Variants in KLRG1 observed in about 807,000 individuals in gnomAD.
KLRG1 encodes the protein killer cell lectin like receptor G1.
KLRG1 carries 16 observed loss-of-function variants against 21.8 expected under a neutral mutation model. The ratio of observed to expected loss-of-function variants is 0.73; its 90% CI spans 0.50 to 1.11. KLRG1 has a LOEUF of 1.11. Among genes scored for constraint, KLRG1 ranks in the 50% most tolerant of loss-of-function variants. The pLI is 0.00. For synonymous variants in KLRG1, 69 were observed against 75.9 expected, an observed-to-expected ratio of 0.91 and a Z score of 0.47; for missense variants, 173 against 218.3, an observed-to-expected ratio of 0.79 and a Z score of 1.31.
the KLRG1 span, chr12:9,203,669 C>T: frequency 1.4e-6 from 2 of 1,404,872 alleles, no homozygotes; most frequent in Non-Finnish European, 2.0e-6. Context: ...TTCTTAAAGT[C>T]ATACCTTGGG....
At chr12:8,971,743 G>A (rs965291532) in intron 1 of KLRG1, among the ~76,000 whole-genome samples, 1 of 152,032 alleles carries the variant, frequency 6.6e-6, no homozygotes, top group Non-Finnish European at 1.5e-5. Flanking sequence ...CGCCTGCCTC[G>A]GCCTCCCAAA....
chr12:9,090,866 G>T, the KLRG1 span, among the ~76,000 whole-genome samples: 1 of 152,068 alleles, frequency 6.6e-6, no homozygotes, highest in Non-Finnish European at 1.5e-5. Context: ...TTTAAAATTA[G>T]GTTTAATATA....
chr12:9,002,400 G>T (rs1947331906), intron 3 of KLRG1, among the ~76,000 whole-genome samples: 1 of 152,120 alleles, frequency 6.6e-6, no homozygotes, highest in Admixed American at 6.6e-5. Context: ...AAGAAAAAGT[G>T]CCCTTGATTT....
intron 1 of KLRG1, among the ~76,000 whole-genome samples, chr12:8,964,922 A>G (rs1277787471): frequency 1.3e-5 from 2 of 151,772 alleles, no homozygotes; most frequent in African/African-American, 4.8e-5. Context: ...TTTTGAGCCT[A>G]TGTGTGTCTC....
At chr12:8,992,351 A>C in intron 2 of KLRG1, 41 bp downstream of exon 2, 1 of 1,392,476 alleles carries the variant, frequency 7.2e-7, no homozygotes, top group Non-Finnish European at 1.0e-6. Context: ...TTCATTTTAT[A>C]TTATAAAAGC....
chr12:9,210,501 C>T, the KLRG1 span, among the ~76,000 whole-genome samples: 3,275 of 152,202 alleles, frequency 0.022, 41 homozygotes, highest in African/African-American at 0.029. Context: ...CTGTTAAATA[C>T]CCTAAGGGGA....
intron 2 of KLRG1, among the ~76,000 whole-genome samples, chr12:8,994,358 G>A (rs1592267286): frequency 6.6e-6 from 1 of 152,182 alleles, no homozygotes; most frequent in African/African-American, 2.4e-5. Flanking sequence ...GAGCCACCAT[G>A]CCTGGTCAGT....
At chr12:9,148,356 C>T in the KLRG1 span, among the ~76,000 whole-genome samples, 2 of 152,090 alleles carry the variant, frequency 1.3e-5, no homozygotes, top group African/African-American at 4.8e-5. Flanking sequence ...AAGATTTTAA[C>T]CCTTGAGTCA....
At chr12:9,073,442 G>T in the KLRG1 span, among the ~76,000 whole-genome samples, 1 of 152,174 alleles carries the variant, frequency 6.6e-6, no homozygotes, top group East Asian at 1.9e-4. Context: ...ATGATTTCCT[G>T]TTCCCAGTGA....
the KLRG1 span, among the ~76,000 whole-genome samples, chr12:9,027,136 T>C: frequency 6.6e-6 from 1 of 152,184 alleles, no homozygotes; most frequent in East Asian, 1.9e-4. Context: ...TATGCATTAC[T>C]TCACATATTT....
At chr12:9,203,139 A>G in the KLRG1 span, among the ~76,000 whole-genome samples, 6 of 152,216 alleles carry the variant, frequency 3.9e-5, no homozygotes, top group Non-Finnish European at 7.3e-5. Context: ...GGAAATGTCC[A>G]GCCCGATCCT....
the KLRG1 span, chr12:9,090,141 A>C: frequency 3.4e-5 from 50 of 1,454,250 alleles, no homozygotes; most frequent in Non-Finnish European, 4.3e-5. Flanking sequence ...ACACAGAAGC[A>C]GGAACGGAAA....
chr12:9,196,805 C>A, the KLRG1 span: 10 of 855,420 alleles, frequency 1.2e-5, no homozygotes, highest in East Asian at 2.5e-5. Flanking sequence ...GTTAATTGAC[C>A]TTCGAGAACT....
chr12:8,976,166 T>C (rs1184126284), intron 1 of KLRG1, among the ~76,000 whole-genome samples: 2 of 152,202 alleles, frequency 1.3e-5, no homozygotes, highest in Non-Finnish European at 2.9e-5. Flanking sequence ...TTTTGTGTTA[T>C]CATTTTTGTT....
chr12:8,955,566 A>T (rs1024324326), intron 1 of KLRG1, among the ~76,000 whole-genome samples: 2 of 149,752 alleles, frequency 1.3e-5, no homozygotes, highest in African/African-American at 4.9e-5. Flanking sequence ...ATTTTTTTTT[A>T]TTTTTTGTAG....
intron 1 of KLRG1, among the ~76,000 whole-genome samples, chr12:8,978,656 CTTTCTTTCTTTCTTTCT>C (rs1946701171): frequency 2.0e-5 from 3 of 147,392 alleles, no homozygotes; most frequent in South Asian, 4.3e-4. Context: ...TTCTTTCTTT[CTTTCTTTCTTTCTTTCT>C]TTCTTTCTTT....
the KLRG1 span, among the ~76,000 whole-genome samples, chr12:9,125,847 G>T: frequency 6.6e-6 from 1 of 152,164 alleles, no homozygotes; most frequent in Non-Finnish European, 1.5e-5. Flanking sequence ...TGATTCTCCT[G>T]CCTCAGCCTC....
the KLRG1 span, among the ~76,000 whole-genome samples, chr12:9,186,293 C>A: frequency 4.6e-5 from 7 of 152,244 alleles, no homozygotes; most frequent in Non-Finnish European, 1.0e-4. Flanking sequence ...TATTACGAGC[C>A]ACTACATAAC....
chr12:9,048,018 G>C, the KLRG1 span, among the ~76,000 whole-genome samples: 1 of 152,148 alleles, frequency 6.6e-6, no homozygotes, highest in Non-Finnish European at 1.5e-5. Context: ...TCAATCAGTT[G>C]GTGCTAATTG....
Sources: gnomAD v4.1 joint callset for allele counts (sites outside exome capture counted in the v4.1 genomes callset) on GRCh38, gnomAD v4.1.1 for gene constraint, MANE v1.5 for transcripts, NCBI Gene and HGNC (gene_info 2026-07-23, HGNC 2026-07-21) for gene names.